Variants in THSD4 observed in about 807,000 individuals in gnomAD.
The protein encoded by THSD4 is thrombospondin type 1 domain containing 4.
Under a neutral mutation model 119.0 loss-of-function variants are expected in THSD4, and 69 were observed. The observed-to-expected ratio is 0.58, with a 90% CI of 0.48 to 0.71. The LOEUF (loss-of-function observed/expected upper bound fraction) is 0.71, where lower values mean the gene tolerates loss of function less well. Ranked by LOEUF, THSD4 falls within the 30% of genes least tolerant of loss-of-function variation. The pLI, the probability that THSD4 is intolerant of heterozygous loss-of-function variation, is 0.00. For synonymous variants in THSD4, 524 were observed against 540.4 expected (o/e 0.97, Z 0.42); for missense variants, 1,393 against 1,391.1 (o/e 1.00, Z -0.02).
At chr15:71,761,283 T>C (rs1224441380) in intron 15 of THSD4, among the ~76,000 whole-genome samples, 1 of 152,156 alleles carries the variant, frequency 6.6e-6, no homozygotes, top group East Asian at 1.9e-4. Flanking sequence ...AATTTTAAAC[T>C]TTTATGTCTC....
At position 71,341,331 on chromosome 15, in the gene THSD4, G is replaced by A. The variant is rs572404662; in HGVS notation, c.1016-70356G>A. ...ATCCGACCATGAGCTCTGTAGGTCC[G>A]GCGGTGCATCTTAGGTGCTTTGTTC... On this transcript the variant is annotated intron_variant, in intron 6 of 17. Transcript: ENST00000261862. 1.2e-4 allele frequency: 192 copies of A among 1,605,944 alleles called. No homozygotes were observed. The Admixed American group carries it at 1.7e-3, about 14-fold the overall frequency.
intron 1 of THSD4, among the ~76,000 whole-genome samples, chr15:71,119,532 A>G (rs1020206837): frequency 6.6e-6 from 1 of 152,210 alleles, no homozygotes; most frequent in Non-Finnish European, 1.5e-5. Flanking sequence ...GGCCAAGGCC[A>G]GGAAGAGGGT....
intron 6 of THSD4, among the ~76,000 whole-genome samples, chr15:71,393,345 G>A (rs1596396038): frequency 6.6e-6 from 1 of 152,082 alleles, no homozygotes; most frequent in African/African-American, 2.4e-5. Context: ...AGGCTGGCAA[G>A]TTTCTTCAGG....
chr15:71,548,643 G>A (rs1044280540), intron 7 of THSD4, among the ~76,000 whole-genome samples: 3 of 152,184 alleles, frequency 2.0e-5, no homozygotes, highest in African/African-American at 2.4e-5. Flanking sequence ...GCCTGTGGGG[G>A]GATTGAGCCC....
intron 7 of THSD4, among the ~76,000 whole-genome samples, chr15:71,586,900 C>T (rs969849673): frequency 6.6e-6 from 1 of 152,206 alleles, no homozygotes; most frequent in Non-Finnish European, 1.5e-5. Flanking sequence ...TATGCCTAGT[C>T]AGTGCTAGGC....
intron 7 of THSD4, among the ~76,000 whole-genome samples, chr15:71,658,706 A>G (rs7496518): frequency 0.26 from 39,666 of 152,100 alleles, 5,966 homozygotes; most frequent in East Asian, 0.7. Flanking sequence ...CGTGGGGCAG[A>G]TTGAGAAGGA....
At chr15:71,572,015 T>G (rs938246340) in intron 7 of THSD4, among the ~76,000 whole-genome samples, 4 of 152,246 alleles carry the variant, frequency 2.6e-5, no homozygotes, top group Non-Finnish European at 5.9e-5. Context: ...CTAAAATGTT[T>G]ATTTATCTTT....
Position 71,781,041 on chromosome 15 carries a change from T to G in THSD4, c.*3667T>G, listed in dbSNP as rs1042652815. ...TATAAGTGGTAAAAAGAAACATGAC[T>G]TCCCTTAAAACAGGCTGGATAATCT... is the stretch of plus-strand genomic sequence containing the variant. On this transcript the variant is annotated 3_prime_UTR_variant, in exon 18 of 18. Coordinates refer to ENST00000261862, the MANE Select transcript of THSD4 (RefSeq NM_024817.3). 5 of 326,238 alleles carry G rather than the reference T, an allele frequency of 1.5e-5. No homozygotes were observed. The highest frequency in any genetic ancestry group is 3.0e-5 in the Non-Finnish European group (5 of 164,570). 20.2% of individuals were successfully genotyped at this position (326,238 alleles called of 1,614,324 possible). A position where few individuals can be genotyped will look rare whatever the true frequency, so the allele number is the denominator to read the frequency against.
intron 6 of THSD4, among the ~76,000 whole-genome samples, chr15:71,386,467 AAT>A (rs2046294695): frequency 2.0e-5 from 3 of 152,314 alleles, no homozygotes; most frequent in Admixed American, 1.3e-4. Context: ...ATACCATGAC[AAT>A]AGAGACCACT....
chr15:71,444,442 C>T (rs1211850858), intron 7 of THSD4, among the ~76,000 whole-genome samples: 2 of 152,200 alleles, frequency 1.3e-5, no homozygotes, highest in Admixed American at 1.3e-4. Flanking sequence ...CAATGTAACT[C>T]TTAGTCAGAA....
intron 7 of THSD4, among the ~76,000 whole-genome samples, chr15:71,440,726 A>G (rs1240109886): frequency 6.6e-6 from 1 of 152,194 alleles, no homozygotes; most frequent in Non-Finnish European, 1.5e-5. Flanking sequence ...CTCATAGGGA[A>G]ACCAGCATAA....
chr15:71,483,429 T>C (rs2047764539), intron 7 of THSD4, among the ~76,000 whole-genome samples: 1 of 152,184 alleles, frequency 6.6e-6, no homozygotes, highest in Non-Finnish European at 1.5e-5. Flanking sequence ...TTGGACATTT[T>C]ATTTCAGGGA....
At chr15:71,565,652 G>A (rs899888775) in intron 7 of THSD4, among the ~76,000 whole-genome samples, 1 of 152,144 alleles carries the variant, frequency 6.6e-6, no homozygotes, top group Admixed American at 6.5e-5. Flanking sequence ...TTATCCCTCT[G>A]ATTTCTGCTC....
chr15:71,668,680 G>C (rs1041472621), intron 8 of THSD4, among the ~76,000 whole-genome samples: 12 of 152,170 alleles, frequency 7.9e-5, no homozygotes, highest in African/African-American at 2.9e-4. Context: ...GCAGCTTGCT[G>C]ACTGGTACCC....
intron 7 of THSD4, among the ~76,000 whole-genome samples, chr15:71,529,841 C>A (rs1369966754): frequency 2.0e-5 from 3 of 152,200 alleles, no homozygotes; most frequent in South Asian, 2.1e-4. Flanking sequence ...AAATGGGGAT[C>A]ATAGCTACCT....
At chr15:71,114,603 CG>C (rs1416206149), upstream of THSD4, among the ~76,000 whole-genome samples, 11 of 152,174 alleles carry the variant, frequency 7.2e-5, no homozygotes, top group African/African-American at 2.7e-4. Flanking sequence ...ACTCAAGAAA[CG>C]GGGCCCTAGC....
intron 7 of THSD4, among the ~76,000 whole-genome samples, chr15:71,542,876 CAA>C (rs59058386): frequency 1.5e-5 from 2 of 137,796 alleles, no homozygotes; most frequent in Non-Finnish European, 3.1e-5. Context: ...GACTCTGTCT[CAA>C]AAAAAAAAAC....
intron 3 of THSD4, among the ~76,000 whole-genome samples, chr15:71,180,537 T>C (rs2043508607): frequency 6.6e-6 from 1 of 152,186 alleles, no homozygotes; most frequent in Admixed American, 6.5e-5. Flanking sequence ...ACTTATCAAA[T>C]TGTATGCTTC....
intron 7 of THSD4, among the ~76,000 whole-genome samples, chr15:71,568,568 C>CTT (rs61430926): frequency 0.18 from 24,922 of 137,718 alleles, 2,406 homozygotes; most frequent in Non-Finnish European, 0.22. Context: ...CTCTTTTTCT[C>CTT]TTTTTTTTTT....
Sources: gnomAD v4.1 joint callset for allele counts (sites outside exome capture counted in the v4.1 genomes callset) on GRCh38, gnomAD v4.1.1 for gene constraint, MANE v1.5 for transcripts, NCBI Gene and HGNC (gene_info 2026-07-23, HGNC 2026-07-21) for gene names.